RFC4: variants seen among roughly 807,000 people sequenced by gnomAD.
RFC4 encodes replication factor C subunit 4.
RFC4 carries 38 observed loss-of-function variants against 47.6 expected under a neutral mutation model. The ratio of observed to expected loss-of-function variants is 0.80; its 90% CI spans 0.62 to 1.05. The LOEUF is 1.05. Ranked by LOEUF, RFC4 falls within the 50% of genes least tolerant of loss-of-function variation. The pLI is 0.00. For missense variants in RFC4, 489 were observed against 434.0 expected, an observed-to-expected ratio of 1.13 and a Z score of -1.13; for synonymous variants, 164 against 150.0, an observed-to-expected ratio of 1.09 and a Z score of -0.68.
At chr3:186,797,673 G>A in intron 3 of RFC4, 59 bp from the exon 4 acceptor site, 25 of 1,224,582 alleles carry the variant, frequency 2.0e-5, no homozygotes, top group Admixed American at 1.3e-4. Flanking sequence ...AGATGAAAAG[G>A]AAGATCGAAA....
chr3:186,792,813 T>C lies in RFC4; in HGVS notation c.545A>G (p.Tyr182Cys), dbSNP rs1354159124. The C allele has an allele frequency of 4.3e-6, 7 of 1,612,854 alleles. No individual in the cohort carries two copies. The highest frequency in any genetic ancestry group is 1.3e-5 in the African/African-American group (1 of 74,980). The change falls in exon 6 of 11, where the codon TAT becomes TGT. Residue 182 changes from tyrosine (Y) to cysteine (C), a missense_variant. Physicochemically the swap from Tyr to Cys is radical, Grantham distance 194 (BLOSUM62 -2). Around this residue, in one of 2 missense-constraint regions of RFC4, gnomAD observed 206 missense variants for 257.8 expected, o/e 0.80. Coordinates refer to ENST00000296273, the MANE Select transcript of RFC4 (RefSeq NM_002916.5). ...AGGGCAATATACATACCGACTGACA[T>C]AGTTACAGATAAGACAGAATCGGGT... ...KTTRFCLICN[Y>C]VSRIIEPLTS...
At position 186,789,925 on chromosome 3, in the gene RFC4, ACAAC is replaced by A. The variant is rs1400906236; in HGVS notation, c.*40_*43del. The A allele has an allele frequency of 2.5e-5, 30 of 1,221,844 alleles. No individual in the cohort carries two copies. Among genetic ancestry groups the A allele is most frequent in the Non-Finnish European group, 3.4e-5 (29 of 842,260 alleles). 75.7% of individuals were successfully genotyped at this position (1,221,844 alleles called of 1,614,324 possible). ...TGCTTTTGGTCATTTTATTTTTATT[ACAAC>A]TTCATTATTTACAAAACCCCCCATC... On this transcript the variant is annotated 3_prime_UTR_variant, in exon 11 of 11. Coordinates refer to ENST00000296273, the MANE Select transcript of RFC4 (RefSeq NM_002916.5).
At chr3:186,803,150 C>T (rs1322750006) in intron 2 of RFC4, among the ~76,000 whole-genome samples, 1 of 152,158 alleles carries the variant, frequency 6.6e-6, no homozygotes, top group Non-Finnish European at 1.5e-5. Context: ...GAAGACCAGC[C>T]TGGTCAACAC....
At chr3:186,804,453 A>AT (rs956432084) in intron 2 of RFC4, 130 bp downstream of exon 2, 30 of 904,256 alleles carry the variant, frequency 3.3e-5, no homozygotes, top group Middle Eastern at 3.1e-4. Context: ...TAAGTGGGTG[A>AT]TTTTTTTTCA....
intron 1 of RFC4, 197 bp from the exon 2 acceptor site, chr3:186,804,921 G>T: frequency 2.2e-6 from 1 of 447,024 alleles, no homozygotes; most frequent in African/African-American, 2.0e-5. Context: ...GCACTGTACT[G>T]AGGGCTACAA....
chr3:186,803,575 C>G (rs1291922365), intron 2 of RFC4, among the ~76,000 whole-genome samples: 5 of 151,692 alleles, frequency 3.3e-5, no homozygotes, highest in Non-Finnish European at 7.4e-5. Flanking sequence ...GTGATCTCAG[C>G]TCACTGCAAT....
chr3:186,804,687 G>A lies in RFC4; in HGVS notation c.27C>T (p.Ser9=), dbSNP rs1392860813. 6.2e-7 allele frequency: 1 copy of A among 1,613,292 alleles called. No homozygotes were observed. The highest frequency in any genetic ancestry group is 8.5e-7 in the Non-Finnish European group (1 of 1,179,678). Residue 9 remains serine (S), a synonymous_variant, in exon 2 of 11, where the codon TCC becomes TCT. Transcript: ENST00000296273. ...TGGTCAGCGGGGGTTTAGTACTGAT[G>A]GATGTACCTTTAAGAAATGCTTGCA... MQAFLKGT[S]ISTKPPLTKD...
intron 4 of RFC4, among the ~76,000 whole-genome samples, chr3:186,797,092 G>A (rs1722257108): frequency 6.6e-6 from 1 of 152,214 alleles, no homozygotes; most frequent in African/African-American, 2.4e-5. Context: ...CCACTCCAGA[G>A]TCAGAGCCTA....
At chr3:186,804,469 A>G (rs1722431261) in intron 2 of RFC4, 114 bp downstream of exon 2, 3 of 1,060,446 alleles carry the variant, frequency 2.8e-6, no homozygotes, top group South Asian at 4.1e-5. Context: ...TTTCAAAGAC[A>G]ACTTCTAAAC....
intron 8 of RFC4, 88 bp from the exon 9 acceptor site, chr3:186,790,494 T>C: frequency 1.1e-6 from 1 of 904,460 alleles, no homozygotes; most frequent in Non-Finnish European, 1.9e-6. Flanking sequence ...CCCCAGTCAT[T>C]TCTGTTCCAC....
At position 186,793,008 on chromosome 3, in the gene RFC4, G is replaced by T; in HGVS notation, c.411-61C>A. 1 of 1,394,768 alleles carries T rather than the reference G, an allele frequency of 7.2e-7. No individual in the cohort carries two copies. Among genetic ancestry groups the T allele is most frequent in the Non-Finnish European group, 9.9e-7 (1 of 1,007,450 alleles). The allele number at this position is 1,394,768 out of a possible 1,614,324, so 86.4% of individuals were successfully genotyped here. On this transcript the variant is annotated intron_variant, in intron 5 of 10. Transcript: ENST00000296273. This position sits in a 1 kb window ranked among gnomAD's most constrained non-coding sequence, Gnocchi z 4.2. ...TATGTATATTGGTTTTAACAGCTTT[G>T]TTGAAAGATACACGTACCATACAAT...
At chr3:186,794,531 T>C in intron 5 of RFC4, 127 bp downstream of exon 5, 2 of 921,976 alleles carry the variant, frequency 2.2e-6, no homozygotes, top group Non-Finnish European at 3.3e-6. Context: ...AGGATAGTCT[T>C]CTAACATGAA....
intron 8 of RFC4, 108 bp from the exon 9 acceptor site, chr3:186,790,514 C>T (rs1722082750): frequency 1.3e-6 from 1 of 790,448 alleles, no homozygotes; most frequent in African/African-American, 1.7e-5. Flanking sequence ...CACCTAAGTT[C>T]CATACTTTCC....
chr3:186,797,733 T>C lies in RFC4; in HGVS notation c.211-119A>G, dbSNP rs1033345750. On this transcript the variant is annotated intron_variant, in intron 3 of 10. Coordinates refer to ENST00000296273, the MANE Select transcript of RFC4 (RefSeq NM_002916.5). ...GACTTCTCTAATAGGGCACGTAATT[T>C]CTAAGTATAAAGTTTTCTTAATATA... is the stretch of plus-strand genomic sequence containing the variant. 4.7e-6 allele frequency: 3 copies of C among 632,346 alleles called. No homozygotes were observed. The African/African-American group carries it at 5.5e-5, about 12-fold the overall frequency. The allele number at this position is 632,346 out of a possible 1,614,324, so 39.2% of individuals were successfully genotyped here. A position where few individuals can be genotyped will look rare whatever the true frequency, so the allele number is the denominator to read the frequency against.
intron 8 of RFC4, chr3:186,791,518 C>T (rs947302435): frequency 1.8e-6 from 1 of 566,160 alleles, no homozygotes; most frequent in Non-Finnish European, 3.2e-6. Context: ...CCTTTTCTTT[C>T]CTGAAATGTC....
chr3:186,797,761 T>C (rs537627242), intron 3 of RFC4, 147 bp from the exon 4 acceptor site: 3 of 562,878 alleles, frequency 5.3e-6, no homozygotes, highest in South Asian at 5.2e-5. Context: ...TTAATATAAC[T>C]GATATCATAG....
Position 186,797,463 on chromosome 3 carries a change from GA to G in RFC4, c.290+71del, listed in dbSNP as rs1044896118. ...GAAAACGAAACGCAAATTTTTAGAG[GA>G]AAAAAAGCAATATCAGAGAATTTTG... On this transcript the variant is annotated intron_variant, in intron 4 of 10. Coordinates refer to ENST00000296273, the MANE Select transcript of RFC4 (RefSeq NM_002916.5). 94 of 1,011,100 alleles carry G rather than the reference GA, an allele frequency of 9.3e-5. No homozygotes were observed. In the African/African-American group the frequency reaches 9.8e-4, roughly 10 times the overall value. The allele number at this position is 1,011,100 out of a possible 1,614,324, so 62.6% of individuals were successfully genotyped here. A position where few individuals can be genotyped will look rare whatever the true frequency, so the allele number is the denominator to read the frequency against.
Position 186,791,679 on chromosome 3 carries a change from C to T in RFC4, c.801+46G>A, listed in dbSNP as rs758362539. On this transcript the variant is annotated intron_variant, in intron 8 of 10. Coordinates refer to ENST00000296273, the MANE Select transcript of RFC4 (RefSeq NM_002916.5). ...TTGGATGAAAATTTCCTAAAAGCCA[C>T]AAAAAAGCCAACTAAAAAGAAATTC... 3 of 1,595,574 alleles carry T rather than the reference C, an allele frequency of 1.9e-6. No individual in the cohort carries two copies. In the South Asian group the frequency reaches 3.3e-5, roughly 18 times the overall value.
chr3:186,804,988 G>A (rs1722445852), intron 1 of RFC4: 1 of 309,018 alleles, frequency 3.2e-6, no homozygotes. Context: ...TAGTGCAGGA[G>A]TTATAGAACA....
Sources: allele counts gnomAD v4.1 joint callset (sites outside exome capture counted in the v4.1 genomes callset), GRCh38; gene constraint gnomAD v4.1.1; regional missense constraint gnomAD v4.1.1; non-coding constraint Gnocchi (gnomAD v3.1); transcripts MANE v1.5; gene names NCBI Gene and HGNC (gene_info 2026-07-23, HGNC 2026-07-21).